Variants in SLC4A4 observed in about 807,000 individuals in gnomAD.
The protein encoded by SLC4A4 is electrogenic sodium bicarbonate cotransporter 1.
Under a neutral mutation model 111.5 loss-of-function variants are expected in SLC4A4, and 27 were observed. The observed-to-expected ratio is 0.24, with a 90% CI of 0.18 to 0.33. The LOEUF (loss-of-function observed/expected upper bound fraction) is 0.33, where lower values mean the gene tolerates loss of function less well. Among genes scored for constraint, SLC4A4 ranks in the 10% least tolerant of loss-of-function variants. SLC4A4 has a pLI of 1.00. For synonymous variants in SLC4A4, 443 were observed against 463.4 expected, an observed-to-expected ratio of 0.96 and a Z score of 0.57; for missense variants, 909 against 1,315.5, an observed-to-expected ratio of 0.69 and a Z score of 4.78.
intron 2 of SLC4A4, among the ~76,000 whole-genome samples, chr4:71,176,792 A>C (rs1578553486): frequency 1.3e-5 from 2 of 152,328 alleles, no homozygotes; most frequent in African/African-American, 4.8e-5. Context: ...CAATCTAGCA[A>C]GGCAGGCCAA....
intron 9 of SLC4A4, among the ~76,000 whole-genome samples, chr4:71,450,039 A>G (rs2149074733): frequency 6.6e-6 from 1 of 152,170 alleles, no homozygotes; most frequent in Non-Finnish European, 1.5e-5. Flanking sequence ...TCAGGGAATG[A>G]CTCTTCAGTA....
chr4:71,553,525 T>A (rs1039561744), intron 20 of SLC4A4, among the ~76,000 whole-genome samples: 3 of 151,850 alleles, frequency 2.0e-5, no homozygotes, highest in East Asian at 1.9e-4. Context: ...TTCTAACTAG[T>A]TTTCCATGGT....
intron 3 of SLC4A4, among the ~76,000 whole-genome samples, chr4:71,287,306 G>T (rs1483197562): frequency 6.6e-6 from 1 of 152,194 alleles, no homozygotes; most frequent in African/African-American, 2.4e-5. Flanking sequence ...AAATACAATT[G>T]TGCATTTTTA....
intron 3 of SLC4A4, among the ~76,000 whole-genome samples, chr4:71,305,753 G>A (rs1214745194): frequency 6.6e-6 from 1 of 152,218 alleles, no homozygotes; most frequent in East Asian, 1.9e-4. Context: ...GAGGAATCTA[G>A]GAACTGGAAA....
rs1193302995 is a variant in SLC4A4 at position 71,515,194 on chromosome 4, A to G, written c.2167-16868A>G. On this transcript the variant is annotated intron_variant, in intron 16 of 25. Transcript: ENST00000264485. ...TAGGTTTTTATTTTCAGTTGTTTCA[A>G]GAATTTTTTTGATTTTCATCTTAAT... Among the ~76,000 whole-genome samples, 3 of 152,100 alleles carry G rather than the reference A, an allele frequency of 2.0e-5. No homozygotes were observed. The East Asian group carries it at 5.8e-4, about 29-fold the overall frequency.
chr4:71,448,538 A>C (rs1259610889), intron 9 of SLC4A4, among the ~76,000 whole-genome samples: 1 of 152,170 alleles, frequency 6.6e-6, no homozygotes, highest in Non-Finnish European at 1.5e-5. Context: ...GTGGGAAGGA[A>C]TGATACACAT....
At chr4:71,441,791 C>A (rs1285433249) in intron 8 of SLC4A4, among the ~76,000 whole-genome samples, 1 of 152,116 alleles carries the variant, frequency 6.6e-6, no homozygotes, top group East Asian at 1.9e-4. Flanking sequence ...ATTTTTTAAA[C>A]CCATTTTTAT....
At chr4:71,145,537 T>C (rs1454862077) in intron 2 of SLC4A4, among the ~76,000 whole-genome samples, 3 of 152,190 alleles carry the variant, frequency 2.0e-5, no homozygotes, top group Admixed American at 1.3e-4. Context: ...AGCTCCTCCT[T>C]GTACCTCTGG....
At chr4:71,110,300 G>A (rs900268112) in intron 2 of SLC4A4, among the ~76,000 whole-genome samples, 9 of 151,906 alleles carry the variant, frequency 5.9e-5, no homozygotes, top group African/African-American at 1.5e-4. Flanking sequence ...CTGCAGCCTC[G>A]ACATTCCAGG....
chr4:71,502,873 A>G (rs890098483), intron 16 of SLC4A4, among the ~76,000 whole-genome samples: 14 of 152,150 alleles, frequency 9.2e-5, no homozygotes, highest in Non-Finnish European at 1.6e-4. Flanking sequence ...CTGAAGTCCA[A>G]TGTTCCTTGT....
intron 3 of SLC4A4, among the ~76,000 whole-genome samples, chr4:71,265,283 A>G (rs16846157): frequency 0.033 from 4,983 of 152,214 alleles, 221 homozygotes; most frequent in African/African-American, 0.098. Context: ...TTGATTTTGT[A>G]AAAGGCTCAT....
At chr4:71,300,593 G>A (rs1578786064) in intron 3 of SLC4A4, 1 of 277,214 alleles carries the variant, frequency 3.6e-6, no homozygotes. Flanking sequence ...AGTGCCAGGG[G>A]CAGCTGCCGT....
intron 16 of SLC4A4, among the ~76,000 whole-genome samples, chr4:71,511,585 T>C (rs150170371): frequency 4.1e-4 from 62 of 152,236 alleles, no homozygotes; most frequent in African/African-American, 1.4e-3. Flanking sequence ...CACAAATTTA[T>C]GGGGTATGTG....
At chr4:71,325,319 T>TA (rs1727421131) in intron 3 of SLC4A4, among the ~76,000 whole-genome samples, 1 of 151,998 alleles carries the variant, frequency 6.6e-6, no homozygotes, top group Non-Finnish European at 1.5e-5. Context: ...TTTAACCTGT[T>TA]AAAATGGAAT....
Position 71,376,348 on chromosome 4 carries a change from C to T in SLC4A4, c.730+19161C>T, listed in dbSNP as rs183679729. ...TCCCAAGTAGCTGGGACTACGGGCA[C>T]CCGCCACCATGCCTGGCTAATTTTT... On this transcript the variant is annotated intron_variant, in intron 6 of 25. Transcript: ENST00000264485. Among the ~76,000 whole-genome samples, 182 of 150,092 alleles carry T rather than the reference C, an allele frequency of 1.2e-3. 1 individual carries two copies. Among genetic ancestry groups the T allele is most frequent in the Middle Eastern group, 3.5e-3 (1 of 284 alleles).
rs569136445 is a variant in SLC4A4 at position 71,111,801 on chromosome 4, A to G, written c.-2+19009A>G. On this transcript the variant is annotated intron_variant, in intron 2 of 26. Transcript: ENST00000649996. ...AACCTCTGCCTCCCAGGCTCAAGTG[A>G]TTCTCCTGCCTCAGCCTCCCGAGTA... Among the ~76,000 whole-genome samples the G allele has an allele frequency of 3.3e-5, 5 of 151,608 alleles. No homozygotes were observed. The East Asian group carries it at 7.8e-4, about 24-fold the overall frequency.
intron 2 of SLC4A4, among the ~76,000 whole-genome samples, chr4:71,144,121 G>T: frequency 6.6e-6 from 1 of 152,290 alleles, no homozygotes; most frequent in South Asian, 2.1e-4. Flanking sequence ...ATTAATTTTT[G>T]TATAAGGTGT....
chr4:71,402,863 CATT>C (rs1720494345), intron 7 of SLC4A4, among the ~76,000 whole-genome samples: 1 of 152,286 alleles, frequency 6.6e-6, no homozygotes, highest in Non-Finnish European at 1.5e-5. Context: ...ACATGTCTGT[CATT>C]ATTTTTTCCC....
intron 6 of SLC4A4, among the ~76,000 whole-genome samples, chr4:71,378,740 G>T (rs555967599): frequency 6.6e-6 from 1 of 152,282 alleles, no homozygotes; most frequent in South Asian, 2.1e-4. Context: ...ATTTTACTTT[G>T]ATGAAAATTG....
Sources: gnomAD v4.1 joint callset for allele counts (sites outside exome capture counted in the v4.1 genomes callset) on GRCh38, gnomAD v4.1.1 for gene constraint, MANE v1.5 for transcripts, NCBI Gene and HGNC (gene_info 2026-07-23, HGNC 2026-07-21) for gene names.